R3HDM2: variants seen among roughly 807,000 people sequenced by gnomAD.
R3HDM2 encodes R3H domain containing 2, also known as R3H domain-containing protein 2.
In R3HDM2, 38 loss-of-function variants were observed where a neutral mutation model predicts 124.5. The ratio of observed to expected loss-of-function variants is 0.31; its 90% CI spans 0.24 to 0.40. The LOEUF is 0.40. R3HDM2 is among the 10% of genes least tolerant of loss of function. R3HDM2 has a pLI of 1.00. For synonymous variants in R3HDM2, 391 were observed against 448.0 expected, an observed-to-expected ratio of 0.87 and a Z score of 1.61; for missense variants, 869 against 1,236.9, an observed-to-expected ratio of 0.70 and a Z score of 4.46.
Position 57,258,134 on chromosome 12 carries a change from T to C in R3HDM2, c.2305A>G (p.Asn769Asp). 1 of 1,542,298 alleles carries C rather than the reference T, an allele frequency of 6.5e-7. No homozygotes were observed. The highest frequency in any genetic ancestry group is 8.8e-7 in the Non-Finnish European group (1 of 1,138,554). ...ACAGGGCTGCTGCTCATTTGTGTGT[T>C]GGCCTGTGGAAAAGAGGAGCACACG... ...LYSPDSSPQA[N>D]TQMSSSPVTS... The change falls in exon 21 of 24, where the codon AAC becomes GAC. Residue 769 changes from asparagine to aspartate, a missense_variant. By Grantham distance (23) the Asn-to-Asp change is conservative. Around this residue, in one of 2 missense-constraint regions of R3HDM2, gnomAD observed 602 missense variants for 789.2 expected, o/e 0.76. Transcript: ENST00000402412.
rs898070617 is a variant in R3HDM2, at chr12:57,420,498, T to C, written c.-106+10222A>G. On this transcript the variant is annotated intron_variant, in intron 1 of 23. Transcript: ENST00000402412. ...CCTTGAAACTCCTCCTACTTCTCAT[T>C]ACACACACTTTACTGGTTTTCTTTT... 9.2e-4 allele frequency among the ~76,000 whole-genome samples: 140 copies of C among 151,674 alleles called. 1 individual carries two copies. Among genetic ancestry groups the C allele is most frequent in the Middle Eastern group, 6.8e-3 (2 of 292 alleles).
At chr12:57,281,588 C>T (rs191609414) in intron 13 of R3HDM2, among the ~76,000 whole-genome samples, 95 of 152,042 alleles carry the variant, frequency 6.2e-4, no homozygotes, top group African/African-American at 1.7e-3. Context: ...CAGGTTCAAG[C>T]GATTCTTCTG....
intron 2 of R3HDM2, among the ~76,000 whole-genome samples, chr12:57,381,088 G>A (rs1214299478): frequency 1.3e-5 from 2 of 151,916 alleles, no homozygotes; most frequent in South Asian, 2.1e-4. Flanking sequence ...AACAATAGTC[G>A]AGCGTGGTGG....
Position 57,254,731 on chromosome 12 carries a change from T to A in R3HDM2, c.*42A>T. 1 of 1,444,094 alleles carries A rather than the reference T, an allele frequency of 6.9e-7. No individual in the cohort carries two copies. 89.5% of individuals were successfully genotyped at this position (1,444,094 alleles called of 1,614,324 possible). A position where few individuals can be genotyped will look rare whatever the true frequency, so the allele number is the denominator to read the frequency against. ...CAGGATCCTTCAACCCCCTCCACCC[T>A]GCCCTTGCTCCTTCTGTGACAGTCC... On this transcript the variant is annotated 3_prime_UTR_variant, in exon 24 of 24. Transcript: ENST00000402412.
Position 57,296,654 on chromosome 12 carries a change from G to A in R3HDM2, c.561-103C>T, listed in dbSNP as rs1474408076. 1.3e-5 allele frequency: 16 copies of A among 1,207,408 alleles called. No individual in the cohort carries two copies. Among genetic ancestry groups the A allele is most frequent in the Non-Finnish European group, 1.6e-5 (14 of 868,284 alleles). The allele number at this position is 1,207,408 out of a possible 1,614,324, so 74.8% of individuals were successfully genotyped here. A position where few individuals can be genotyped will look rare whatever the true frequency, so the allele number is the denominator to read the frequency against. On this transcript the variant is annotated intron_variant, in intron 8 of 23. Coordinates refer to ENST00000402412, the MANE Select transcript of R3HDM2 (RefSeq NM_001394031.1). The surrounding 1 kb of genome is among the most constrained non-coding windows in gnomAD (Gnocchi z 4.5). Reference sequence around the variant, plus strand: ...GTGTCTAAAGTGGAAAGTTTCTTAGGAGAAATAGACATATTATAAGGAATA... The same window carrying A: ...GTGTCTAAAGTGGAAAGTTTCTTAGAAGAAATAGACATATTATAAGGAATA...
intron 2 of R3HDM2, among the ~76,000 whole-genome samples, chr12:57,331,930 T>C (rs1442417750): frequency 6.6e-6 from 1 of 151,322 alleles, no homozygotes; most frequent in Non-Finnish European, 1.5e-5. Flanking sequence ...AAAAAAAATT[T>C]TTTTTTTTAA....
At chr12:57,267,554 AAAAAG>A (rs1307083060) in intron 18 of R3HDM2, among the ~76,000 whole-genome samples, 4 of 152,234 alleles carry the variant, frequency 2.6e-5, no homozygotes, top group African/African-American at 9.6e-5. Flanking sequence ...ACTCCATCTC[AAAAAG>A]AAAAGAAAAG....
chr12:57,377,851 G>A (rs1168398862), intron 2 of R3HDM2, among the ~76,000 whole-genome samples: 1 of 152,280 alleles, frequency 6.6e-6, no homozygotes, highest in East Asian at 1.9e-4. Context: ...AGTTTGGGAG[G>A]CCGAGGTGGG....
At chr12:57,396,386 A>G (rs1398279565) in intron 1 of R3HDM2, among the ~76,000 whole-genome samples, 1 of 152,148 alleles carries the variant, frequency 6.6e-6, no homozygotes, top group Non-Finnish European at 1.5e-5. Context: ...GGTTGCAGTG[A>G]GCCGAGATCG....
At chr12:57,311,580 C>T (rs1341752285) in intron 2 of R3HDM2, among the ~76,000 whole-genome samples, 1 of 151,848 alleles carries the variant, frequency 6.6e-6, no homozygotes, top group Non-Finnish European at 1.5e-5. Context: ...GGTATATTGC[C>T]CAAACTGGTC....
Position 57,296,380 on chromosome 12 carries a change from A to G in R3HDM2, c.701+31T>C, listed in dbSNP as rs1380420109. On this transcript the variant is annotated intron_variant, in intron 9 of 23. Transcript: ENST00000402412. The surrounding 1 kb of genome is among the most constrained non-coding windows in gnomAD (Gnocchi z 4.5). The stretch of plus-strand genomic sequence containing the variant: ...CCAACCCAGCAGGTTATCCCAGGGA[A>G]GTCTTCCCAAACCATGGTTTCCTCC... 6.4e-7 allele frequency: 1 copy of G among 1,550,450 alleles called. No individual in the cohort carries two copies. The highest frequency in any genetic ancestry group is 1.4e-5 in the African/African-American group (1 of 73,112).
At chr12:57,350,358 T>C (rs1034507094) in intron 2 of R3HDM2, among the ~76,000 whole-genome samples, 1 of 152,158 alleles carries the variant, frequency 6.6e-6, no homozygotes, top group Non-Finnish European at 1.5e-5. Context: ...TCTATTGTTA[T>C]TTATGTTTAA....
chr12:57,415,290 C>A (rs945982375), intron 1 of R3HDM2: 1 of 152,070 alleles, frequency 6.6e-6, no homozygotes, highest in Non-Finnish European at 1.5e-5. Flanking sequence ...ATTCAAAGCA[C>A]CAGTGGTGCT....
At chr12:57,297,220 T>C (rs2050087735) in intron 8 of R3HDM2, 108 bp downstream of exon 8, 1 of 623,632 alleles carries the variant, frequency 1.6e-6, no homozygotes, top group East Asian at 3.0e-5. Context: ...AACTTCAGTA[T>C]GTTTTCAAAA....
chr12:57,396,987 G>C (rs1308418942), intron 1 of R3HDM2, among the ~76,000 whole-genome samples: 2 of 151,440 alleles, frequency 1.3e-5, no homozygotes, highest in African/African-American at 4.9e-5. Flanking sequence ...CAGCTACTTG[G>C]GAGGCTGAGG....
At chr12:57,386,300 G>A (rs908629786) in intron 2 of R3HDM2, among the ~76,000 whole-genome samples, 4 of 152,220 alleles carry the variant, frequency 2.6e-5, no homozygotes, top group African/African-American at 9.6e-5. Flanking sequence ...CAGCTTGCGG[G>A]GAGGTGTGGA....
At chr12:57,389,666 T>C (rs1019439233) in intron 2 of R3HDM2, among the ~76,000 whole-genome samples, 1 of 152,238 alleles carries the variant, frequency 6.6e-6, no homozygotes, top group African/African-American at 2.4e-5. Context: ...TTGGAAAGGC[T>C]GCTTTAATTG....
At chr12:57,368,642 G>C (rs964518460) in intron 2 of R3HDM2, among the ~76,000 whole-genome samples, 1 of 152,102 alleles carries the variant, frequency 6.6e-6, no homozygotes, top group African/African-American at 2.4e-5. Context: ...AATACTCCAT[G>C]TGTATTACCA....
intron 1 of R3HDM2, among the ~76,000 whole-genome samples, chr12:57,430,345 C>T (rs970558967): frequency 1.3e-5 from 2 of 152,188 alleles, no homozygotes; most frequent in Non-Finnish European, 2.9e-5. Flanking sequence ...CACTTCTACA[C>T]CTCTCCGTCC....
Sources: allele counts gnomAD v4.1 joint callset (sites outside exome capture counted in the v4.1 genomes callset), GRCh38; gene constraint gnomAD v4.1.1; regional missense constraint gnomAD v4.1.1; non-coding constraint Gnocchi (gnomAD v3.1); transcripts MANE v1.5; gene names NCBI Gene and HGNC (gene_info 2026-07-23, HGNC 2026-07-21).